CARD10: variants seen among roughly 807,000 people sequenced by gnomAD.
The protein encoded by CARD10 is caspase recruitment domain-containing protein 10.
Under a neutral mutation model 114.6 loss-of-function variants are expected in CARD10, and 49 were observed. That is an observed-to-expected ratio of 0.43 (90% confidence interval 0.34 to 0.54). The LOEUF is 0.54. Among genes scored for constraint, CARD10 ranks in the 20% least tolerant of loss-of-function variants. The pLI is 0.03. For synonymous variants in CARD10, 602 were observed against 593.2 expected (o/e 1.01, Z -0.21); for missense variants, 1,206 against 1,397.2 (o/e 0.86, Z 2.18).
Position 37,504,022 on chromosome 22 carries a change from G to A in CARD10, c.1634+164C>T, listed in dbSNP as rs186366655. 4.2e-4 allele frequency: 302 copies of A among 721,014 alleles called. 1 individual carries two copies. The African/African-American group carries it at 4.4e-3, about 10-fold the overall frequency. 44.7% of individuals were successfully genotyped at this position (721,014 alleles called of 1,614,324 possible). ...CTTAAGCCTGACCTTGGTCGCCCCT[G>A]TGACTCACAGGACCTGGGTTTCCAG... is the stretch of plus-strand genomic sequence containing the variant. On this transcript the variant is annotated intron_variant, in intron 9 of 19. Coordinates refer to ENST00000251973, the MANE Select transcript of CARD10 (RefSeq NM_014550.4).
chr22:37,491,719 G>C (rs202136879), intron 19 of CARD10, 36 bp downstream of exon 19: 4 of 1,294,914 alleles, frequency 3.1e-6, no homozygotes, highest in Non-Finnish European at 4.4e-6. Context: ...TCTCAGGTCC[G>C]AGTGCCCTGC....
Position 37,496,012 on chromosome 22 carries a change from G to A in CARD10, c.2060-9C>T. The stretch of plus-strand genomic sequence containing the variant: ...GTGGAAGGACTGGCAGGCTGGGCAT[G>A]GATGGGGCAGGGGGCAGCAAGGAGG... On this transcript the variant is annotated splice_polypyrimidine_tract_variant and intron_variant, in intron 13 of 19. Transcript: ENST00000251973. This position sits in a 1 kb window ranked among gnomAD's most constrained non-coding sequence, Gnocchi z 4.1. The A allele has an allele frequency of 6.2e-7, 1 of 1,613,182 alleles. No homozygotes were observed. Among genetic ancestry groups the A allele is most frequent in the Non-Finnish European group, 8.5e-7 (1 of 1,179,590 alleles).
intron 19 of CARD10, 114 bp downstream of exon 19, chr22:37,491,633 GGAGAGAGA>G: frequency 3.1e-6 from 1 of 319,530 alleles, no homozygotes; most frequent in Non-Finnish European, 5.7e-6. Flanking sequence ...AGAGGGGGAA[GGAGAGAGA>G]GGGGGAGGGA....
intron 3 of CARD10, 23 bp from the exon 4 acceptor site, chr22:37,510,444 G>A (rs763441357): frequency 6.2e-7 from 1 of 1,607,718 alleles, no homozygotes; most frequent in South Asian, 1.1e-5. Context: ...ACATGGGTCA[G>A]CCCAGAGGGA....
At chr22:37,495,100 C>T (rs1270916091) in intron 15 of CARD10, among the ~76,000 whole-genome samples, 1 of 152,146 alleles carries the variant, frequency 6.6e-6, no homozygotes, top group Non-Finnish European at 1.5e-5. Flanking sequence ...GTAGCTGAGA[C>T]TACAGGCACC....
intron 1 of CARD10, 67 bp downstream of exon 1, chr22:37,518,899 G>T: frequency 6.9e-7 from 1 of 1,458,082 alleles, no homozygotes; most frequent in Non-Finnish European, 9.1e-7. Context: ...GCGCTACACG[G>T]CTGTGGGCGC....
chr22:37,492,927 A>C lies in CARD10; in HGVS notation c.2477-125T>G. The C allele has an allele frequency of 1.1e-6, 1 of 939,076 alleles. No individual in the cohort carries two copies. The highest frequency in any genetic ancestry group is 1.6e-6 in the Non-Finnish European group (1 of 630,682). The allele number at this position is 939,076 out of a possible 1,614,324, so 58.2% of individuals were successfully genotyped here. On this transcript the variant is annotated intron_variant, in intron 16 of 19. Transcript: ENST00000251973. The surrounding 1 kb of genome is among the most constrained non-coding windows in gnomAD (Gnocchi z 5.7). Reference sequence around the variant, plus strand: ...AGTCCTGCTGCTGCTCCTCCTACACATGCACACACACACACCCTTAGTAGG... The same window carrying C: ...AGTCCTGCTGCTGCTCCTCCTACACCTGCACACACACACACCCTTAGTAGG...
rs147963407 is a variant in CARD10 at position 37,497,072 on chromosome 22, C to T, written c.1894G>A (p.Val632Met). 2.2e-5 allele frequency: 35 copies of T among 1,614,016 alleles called. No homozygotes were observed. The African/African-American group carries it at 4.0e-4, about 18-fold the overall frequency. Residue 632 changes from valine to methionine, a missense_variant, in exon 12 of 20, where the codon GTG (valine) becomes ATG (methionine). Val to Met is a conservative substitution (Grantham distance 21). Around this residue, in one of 2 missense-constraint regions of CARD10, gnomAD observed 1,068 missense variants for 1,179.1 expected, o/e 0.91. Transcript: ENST00000251973. ...SFYGDRWSGA[V>M]VRRVLSGPGS... ...GGCCCAGACAGCACCCTGCGCACCACAGCCCCAGACCATCTGTCCCCATAA... is the reference window on the plus strand; with the variant it reads ...GGCCCAGACAGCACCCTGCGCACCATAGCCCCAGACCATCTGTCCCCATAA...
At position 37,501,444 on chromosome 22, in the gene CARD10, A is replaced by C. The variant is rs1427628858; in HGVS notation, c.1787+1158T>G. 2.0e-5 allele frequency among the ~76,000 whole-genome samples: 3 copies of C among 151,140 alleles called. No individual in the cohort carries two copies. Among genetic ancestry groups the C allele is most frequent in the African/African-American group, 4.9e-5 (2 of 40,944 alleles). On this transcript the variant is annotated intron_variant, in intron 11 of 19. Transcript: ENST00000251973. The surrounding 1 kb of genome is among the most constrained non-coding windows in gnomAD (Gnocchi z 5.4). ...AAGCACGTCCTGCACAGGCAAAAAC[A>C]ATGTCTCGCTGAGCCCACTGCCGGG...
intron 11 of CARD10, among the ~76,000 whole-genome samples, chr22:37,500,185 G>T (rs1193302932): frequency 2.0e-5 from 3 of 152,228 alleles, no homozygotes; most frequent in African/African-American, 7.2e-5. Flanking sequence ...CGATGGTTGA[G>T]ATAAGGGAAA....
At chr22:37,517,418 A>G in intron 2 of CARD10, among the ~76,000 whole-genome samples, 1 of 152,200 alleles carries the variant, frequency 6.6e-6, no homozygotes, top group East Asian at 1.9e-4. Context: ...CAGGCGGATC[A>G]CAAGGTCAGG....
chr22:37,496,916 C>T lies in CARD10; in HGVS notation c.1947+103G>A. The stretch of plus-strand genomic sequence containing the variant: ...GAGCCCGCTTCGGCTTTGACCAATC[C>T]CCAGAAGCTCTGCCCGGTGATCTTG... On this transcript the variant is annotated intron_variant, in intron 12 of 19. Transcript: ENST00000251973. This position sits in a 1 kb window ranked among gnomAD's most constrained non-coding sequence, Gnocchi z 4.1. 1 of 1,367,214 alleles carries T rather than the reference C, an allele frequency of 7.3e-7. No homozygotes were observed. Among genetic ancestry groups the T allele is most frequent in the Non-Finnish European group, 1.0e-6 (1 of 1,004,184 alleles). The allele number at this position is 1,367,214 out of a possible 1,614,324, so 84.7% of individuals were successfully genotyped here.
At chr22:37,509,598 G>A (rs547341182) in intron 4 of CARD10, among the ~76,000 whole-genome samples, 16 of 146,524 alleles carry the variant, frequency 1.1e-4, no homozygotes, top group Non-Finnish European at 2.2e-4. Context: ...CCATGTCCAC[G>A]AGCCCTGGCC....
At chr22:37,494,448 G>T in intron 15 of CARD10, 1 of 545,552 alleles carries the variant, frequency 1.8e-6, no homozygotes, top group Non-Finnish European at 3.2e-6. Context: ...TGGTGGAGGA[G>T]CCTTAGGTAT....
Position 37,518,023 on chromosome 22 carries a change from G to A in CARD10, c.321C>T (p.His107=). 6.2e-7 allele frequency: 1 copy of A among 1,614,102 alleles called. No homozygotes were observed. Among genetic ancestry groups the A allele is most frequent in the Non-Finnish European group, 8.5e-7 (1 of 1,179,998 alleles). ...GTTCCTGGCCCGTGAGCAGCGTGAAGTGTTCGGGGTAGTAGAACTCCAGGG... is the reference window on the plus strand; with the variant it reads ...GTTCCTGGCCCGTGAGCAGCGTGAAATGTTCGGGGTAGTAGAACTCCAGGG... ...LEALEFYYPE[H]FTLLTGQEPA... The change falls in exon 2 of 20, where the codon CAC becomes CAT. Residue 107 remains histidine, a synonymous_variant. Coordinates refer to ENST00000251973, the MANE Select transcript of CARD10 (RefSeq NM_014550.4).
Position 37,495,567 on chromosome 22 carries a change from C to T in CARD10, c.2323G>A (p.Val775Ile). Residue 775 changes from valine (V) to isoleucine (I), a missense_variant, in exon 15 of 20, where the codon GTT (valine) becomes ATT (isoleucine). Around this residue, in one of 2 missense-constraint regions of CARD10, gnomAD observed 1,068 missense variants for 1,179.1 expected, o/e 0.91. Coordinates refer to ENST00000251973, the MANE Select transcript of CARD10 (RefSeq NM_014550.4). ...CTGGAGGGCAGGCATTTCTCCTGAACTTCTAGGAGCTGCTGGGCTCTGTGG... is the reference window on the plus strand; with the variant it reads ...CTGGAGGGCAGGCATTTCTCCTGAATTTCTAGGAGCTGCTGGGCTCTGTGG... The part of the protein sequence containing the change: ...NYQRAQQLLE[V>I]QEKCLPSSRH... The T allele has an allele frequency of 6.2e-7, 1 of 1,613,596 alleles. No individual in the cohort carries two copies. The highest frequency in any genetic ancestry group is 1.3e-5 in the African/African-American group (1 of 75,050).
At chr22:37,504,088 TG>T in intron 9 of CARD10, 97 bp downstream of exon 9, 2 of 868,746 alleles carry the variant, frequency 2.3e-6, no homozygotes, top group Non-Finnish European at 3.8e-6. Flanking sequence ...AGTGACTGCC[TG>T]GACCTGACTT....
chr22:37,514,904 A>G (rs1210614074), intron 3 of CARD10: 1 of 152,274 alleles, frequency 6.6e-6, no homozygotes, highest in African/African-American at 2.4e-5. Context: ...GTCAGAAACC[A>G]AGAAAGTGAG....
chr22:37,498,906 G>C (rs910519698), intron 11 of CARD10, among the ~76,000 whole-genome samples: 2 of 46,826 alleles, frequency 4.3e-5, no homozygotes, highest in South Asian at 1.9e-3. Flanking sequence ...GCTGGGGGGT[G>C]GGGGGGGGGG....
Sources: gnomAD v4.1 joint callset for allele counts (sites outside exome capture counted in the v4.1 genomes callset) on GRCh38, gnomAD v4.1.1 for gene constraint, gnomAD v4.1.1 regional missense constraint, Gnocchi (gnomAD v3.1) non-coding constraint, MANE v1.5 for transcripts, NCBI Gene and HGNC (gene_info 2026-07-23, HGNC 2026-07-21) for gene names.